DNM1L: variants seen among roughly 807,000 people sequenced by gnomAD.
DNM1L encodes the protein dynamin-1-like protein.
In DNM1L, 33 loss-of-function variants were observed where a neutral mutation model predicts 92.8. The observed-to-expected ratio is 0.36, with a 90% confidence interval of 0.27 to 0.48. DNM1L has a LOEUF of 0.48. DNM1L is among the 20% of genes least tolerant of loss of function. The pLI is 0.99. For missense variants in DNM1L, 485 were observed against 888.8 expected, an observed-to-expected ratio of 0.55 and a Z score of 5.78; for synonymous variants, 284 against 305.0, an observed-to-expected ratio of 0.93 and a Z score of 0.72.
intron 6 of DNM1L, among the ~76,000 whole-genome samples, chr12:32,714,426 C>T (rs1413241407): frequency 1.3e-5 from 2 of 151,796 alleles, no homozygotes; most frequent in Non-Finnish European, 2.9e-5. Flanking sequence ...GCGCCTGCCA[C>T]CACGCCTGGC....
At chr12:32,724,750 T>G (rs1248998856) in intron 9 of DNM1L, among the ~76,000 whole-genome samples, 1 of 149,920 alleles carries the variant, frequency 6.7e-6, no homozygotes, top group African/African-American at 2.4e-5. Context: ...GTTTTCCAGT[T>G]TAGTTGTCAA....
At chr12:32,684,943 T>TA (rs199776804) in intron 1 of DNM1L, among the ~76,000 whole-genome samples, 1,509 of 145,834 alleles carry the variant, frequency 0.01, 33 homozygotes, top group African/African-American at 0.035. Context: ...GAATGTGTAT[T>TA]TTTTTTTTTT....
In DNM1L at chr12:32,737,173, T is replaced by C. The variant is rs775618570; in HGVS notation, c.1596+12T>C. 6.2e-7 allele frequency: 1 copy of C among 1,613,320 alleles called. No homozygotes were observed. The highest frequency in any genetic ancestry group is 1.3e-5 in the African/African-American group (1 of 75,016). ...TATCACGAGACAAGGTAAAAAAATGTTTTTAATGCATATTCCCAATACCTA... is the reference window on the plus strand; with the variant it reads ...TATCACGAGACAAGGTAAAAAAATGCTTTTAATGCATATTCCCAATACCTA... On this transcript the variant is annotated intron_variant, in intron 14 of 19. Transcript: ENST00000549701.
intron 9 of DNM1L, among the ~76,000 whole-genome samples, chr12:32,723,096 A>C (rs1461482943): frequency 6.6e-6 from 1 of 151,902 alleles, no homozygotes; most frequent in African/African-American, 2.4e-5. Flanking sequence ...CCTTGAGCTC[A>C]GGAGTTCAAG....
At position 32,708,257 on chromosome 12, in the gene DNM1L, C is replaced by T. The variant is rs368122029; in HGVS notation, c.369+33C>T. 2.9e-5 allele frequency: 38 copies of T among 1,315,850 alleles called. 1 individual carries two copies. The African/African-American group carries it at 4.9e-4, about 17-fold the overall frequency. 81.5% of individuals were successfully genotyped at this position (1,315,850 alleles called of 1,614,324 possible). A position where few individuals can be genotyped will look rare whatever the true frequency, so the allele number is the denominator to read the frequency against. ...TCTTTTTAGAGCTAGAAGGCATAAGCATCAGTAAATATATAATTGAGGTAT... is the reference window on the plus strand; with the variant it reads ...TCTTTTTAGAGCTAGAAGGCATAAGTATCAGTAAATATATAATTGAGGTAT... On this transcript the variant is annotated intron_variant, in intron 4 of 19. Coordinates refer to ENST00000549701, the MANE Select transcript of DNM1L (RefSeq NM_012062.5).
At chr12:32,695,451 A>G (rs1952404569) in intron 1 of DNM1L, among the ~76,000 whole-genome samples, 1 of 152,216 alleles carries the variant, frequency 6.6e-6, no homozygotes, top group Non-Finnish European at 1.5e-5. Flanking sequence ...AAATTAAAAA[A>G]TTAAGTGATA....
chr12:32,740,191 T>C lies in DNM1L; in HGVS notation c.1835T>C (p.Ile612Thr), dbSNP rs2137589113. 3 of 1,614,166 alleles carry C rather than the reference T, an allele frequency of 1.9e-6. No individual in the cohort carries two copies. The highest frequency in any genetic ancestry group is 1.3e-5 in the African/African-American group (1 of 75,038). ...GAAGAAAAATCAAAACCCATTCCAATTATGCCAGCCAGTCCACAAAAAGGT... is the reference window on the plus strand; with the variant it reads ...GAAGAAAAATCAAAACCCATTCCAACTATGCCAGCCAGTCCACAAAAAGGT... ...LAEEKSKPIP[I>T]MPASPQKGHA... The change falls in exon 17 of 20, where the codon ATT becomes ACT. Residue 612 changes from isoleucine (I) to threonine (T), a missense_variant. Physicochemically the swap from Ile to Thr is moderately conservative, Grantham distance 89. Transcript: ENST00000549701.
Position 32,745,572 on chromosome 12 carries a change from C to CTT in DNM1L, c.*2163_*2164dup, listed in dbSNP as rs1181125972. The stretch of plus-strand genomic sequence containing the variant: ...ACTAAAGTTTGTCAAAAAATGAATT[C>CTT]TTAACTTTTCTCCCAGAGAAAGGGA... On this transcript the variant is annotated 3_prime_UTR_variant, in exon 20 of 20. Transcript: ENST00000549701. 6.6e-6 allele frequency: 1 copy of CTT among 152,304 alleles called. No individual in the cohort carries two copies. Among genetic ancestry groups the CTT allele is most frequent in the Non-Finnish European group, 1.5e-5 (1 of 68,162 alleles). The allele number at this position is 152,304 out of a possible 1,614,324, so 9.4% of individuals were successfully genotyped here.
chr12:32,711,072 A>G (rs1219441235), intron 5 of DNM1L, 57 bp downstream of exon 5: 6 of 1,406,860 alleles, frequency 4.3e-6, no homozygotes, highest in African/African-American at 2.8e-5. Context: ...TTGACATCCC[A>G]TATGAGAATA....
chr12:32,695,135 A>G (rs551685657), intron 1 of DNM1L, among the ~76,000 whole-genome samples: 65 of 152,330 alleles, frequency 4.3e-4, no homozygotes, highest in Non-Finnish European at 8.8e-4. Context: ...CAGGGCCAAG[A>G]TACCTCAGAA....
intron 9 of DNM1L, among the ~76,000 whole-genome samples, chr12:32,724,558 A>G (rs1237323120): frequency 1.4e-5 from 2 of 139,718 alleles, no homozygotes; most frequent in African/African-American, 5.4e-5. Flanking sequence ...CCTGGGCAAC[A>G]GAGAGAGACT....
In DNM1L at chr12:32,743,536, C is replaced by A; in HGVS notation, c.*126C>A. On this transcript the variant is annotated 3_prime_UTR_variant, in exon 20 of 20. Coordinates refer to ENST00000549701, the MANE Select transcript of DNM1L (RefSeq NM_012062.5). ...ATGAATCTGCTCATGTGGAGACTGGCTATAAACTGAAAAGTGTATTCCAAA... is the reference window on the plus strand; with the variant it reads ...ATGAATCTGCTCATGTGGAGACTGGATATAAACTGAAAAGTGTATTCCAAA... The A allele has an allele frequency of 1.2e-6, 1 of 865,402 alleles. No homozygotes were observed. Among genetic ancestry groups the A allele is most frequent in the Non-Finnish European group, 1.8e-6 (1 of 540,812 alleles). 53.6% of individuals were successfully genotyped at this position (865,402 alleles called of 1,614,324 possible).
intron 1 of DNM1L, among the ~76,000 whole-genome samples, chr12:32,699,806 A>G (rs1322829315): frequency 6.6e-6 from 1 of 151,434 alleles, no homozygotes; most frequent in African/African-American, 2.4e-5. Flanking sequence ...CAAAAAAAAA[A>G]AAAAAAAAAA....
chr12:32,743,330 A>G, intron 19 of DNM1L, 24 bp from the exon 20 acceptor site: 6 of 1,608,766 alleles, frequency 3.7e-6, no homozygotes, highest in Non-Finnish European at 5.1e-6. Flanking sequence ...ATAAGCATTT[A>G]AAATTTTTTT....
chr12:32,711,133 T>A lies in DNM1L; in HGVS notation c.456+118T>A, dbSNP rs570048396. 6.9e-6 allele frequency: 6 copies of A among 874,126 alleles called. No homozygotes were observed. The South Asian group carries it at 8.3e-5, about 12-fold the overall frequency. The allele number at this position is 874,126 out of a possible 1,614,324, so 54.1% of individuals were successfully genotyped here. A position where few individuals can be genotyped will look rare whatever the true frequency, so the allele number is the denominator to read the frequency against. ...GATCTGTTAGCAGCATTTGATAACG[T>A]TGAGCCCTCCTTTCTCCTTGAAACA... On this transcript the variant is annotated intron_variant, in intron 5 of 19. Coordinates refer to ENST00000549701, the MANE Select transcript of DNM1L (RefSeq NM_012062.5).
chr12:32,701,980 G>A (rs1218566549), intron 2 of DNM1L, among the ~76,000 whole-genome samples: 1 of 150,174 alleles, frequency 6.7e-6, no homozygotes, highest in Non-Finnish European at 1.5e-5. Flanking sequence ...CGCCCGCCTT[G>A]GCCTCCCAAA....
rs572048837 is a variant in DNM1L at position 32,704,638 on chromosome 12, A to T, written c.251-2729A>T. On this transcript the variant is annotated intron_variant, in intron 2 of 19. Transcript: ENST00000549701. ...TTTGAAATTTTACCCCCATTTCATT[A>T]AGTAACCTATTTGTAAAAGCAATCA... Among the ~76,000 whole-genome samples the T allele has an allele frequency of 5.3e-5, 8 of 152,306 alleles. No homozygotes were observed. The East Asian group carries it at 1.5e-3, about 29-fold the overall frequency.
intron 1 of DNM1L, among the ~76,000 whole-genome samples, chr12:32,684,477 C>T (rs1010551642): frequency 6.8e-6 from 1 of 146,088 alleles, no homozygotes. Flanking sequence ...CAACATAATT[C>T]TTTTTTTTTT....
chr12:32,687,477 C>G (rs1952061258), intron 1 of DNM1L, among the ~76,000 whole-genome samples: 1 of 152,146 alleles, frequency 6.6e-6, no homozygotes, highest in Non-Finnish European at 1.5e-5. Context: ...GGGTCTCACT[C>G]TGTCACCCAG....
Sources: allele counts gnomAD v4.1 joint callset (sites outside exome capture counted in the v4.1 genomes callset), GRCh38; gene constraint gnomAD v4.1.1; transcripts MANE v1.5; gene names NCBI Gene and HGNC (gene_info 2026-07-23, HGNC 2026-07-21).